Variants in ZZZ3 observed in about 807,000 individuals in gnomAD.
The protein encoded by ZZZ3 is ZZ-type zinc finger-containing protein 3.
ZZZ3 carries 22 observed loss-of-function variants against 95.2 expected under a neutral mutation model. The ratio of observed to expected loss-of-function variants is 0.23; its 90% CI spans 0.17 to 0.33. The LOEUF is 0.33. Ranked by LOEUF, ZZZ3 falls within the 10% of genes least tolerant of loss-of-function variation. The pLI is 1.00. For synonymous variants in ZZZ3, 335 were observed against 358.9 expected, an observed-to-expected ratio of 0.93 and a Z score of 0.75; for missense variants, 885 against 1,066.5, an observed-to-expected ratio of 0.83 and a Z score of 2.37.
rs11432486 is a variant in ZZZ3 at position 77,669,454 on chromosome 1, GT to G, written c.-403+13130del. ...GAATACCATTAAACTTTCTTTCTCA[GT>G]TTTTTTTTTTTTTTTTTTTGAGATG... On this transcript the variant is annotated intron_variant, in intron 1 of 14. Transcript: ENST00000370801. Among the ~76,000 whole-genome samples, 582 of 131,308 alleles carry G rather than the reference GT, an allele frequency of 4.4e-3. 1 individual carries two copies. The highest frequency in any genetic ancestry group is 9.3e-3 in the African/African-American group (324 of 34,854). The allele number at this position is 131,308 out of a possible 152,430, so 86.1% of individuals were successfully genotyped here.
chr1:77,592,396 G>A (rs145368034), intron 5 of ZZZ3, among the ~76,000 whole-genome samples: 8,960 of 152,120 alleles, frequency 0.059, 496 homozygotes, highest in African/African-American at 0.15. Context: ...TCCGCCTCCC[G>A]GGTTCAAGTG....
At chr1:77,570,828 A>ATTTTT (rs1234908458) in intron 12 of ZZZ3, among the ~76,000 whole-genome samples, 9 of 123,754 alleles carry the variant, frequency 7.3e-5, no homozygotes, top group African/African-American at 1.6e-4. Flanking sequence ...AGCCTGGCTA[A>ATTTTT]TTTTTTTTTT....
chr1:77,589,634 T>C (rs1009721414), intron 5 of ZZZ3, among the ~76,000 whole-genome samples: 3 of 151,668 alleles, frequency 2.0e-5, no homozygotes, highest in African/African-American at 7.3e-5. Context: ...TTGGTTTGGT[T>C]TTTTTTGTAG....
At chr1:77,642,481 T>G (rs1668866087) in intron 1 of ZZZ3, among the ~76,000 whole-genome samples, 1 of 152,074 alleles carries the variant, frequency 6.6e-6, no homozygotes, top group African/African-American at 2.4e-5. Context: ...TGGTGGCTCA[T>G]GCCTGTAATC....
At chr1:77,661,544 A>C (rs1024304160) in intron 1 of ZZZ3, among the ~76,000 whole-genome samples, 1 of 152,212 alleles carries the variant, frequency 6.6e-6, no homozygotes, top group African/African-American at 2.4e-5. Flanking sequence ...TCTGACACTT[A>C]GCTGCCCTAA....
intron 4 of ZZZ3, among the ~76,000 whole-genome samples, chr1:77,636,966 G>A (rs1557750505): frequency 6.6e-6 from 1 of 152,138 alleles, no homozygotes; most frequent in Admixed American, 6.6e-5. Flanking sequence ...AAGAGAACTT[G>A]TTTTATAACA....
intron 1 of ZZZ3, among the ~76,000 whole-genome samples, chr1:77,643,226 G>GACAT (rs1432594149): frequency 5.3e-5 from 8 of 151,818 alleles, no homozygotes; most frequent in Non-Finnish European, 1.2e-4. Flanking sequence ...AAATTGTCAT[G>GACAT]ACATCTCTTG....
chr1:77,600,741 G>A (rs745924066), intron 5 of ZZZ3, among the ~76,000 whole-genome samples: 5 of 152,108 alleles, frequency 3.3e-5, no homozygotes, highest in Admixed American at 1.3e-4. Flanking sequence ...CAGCTTTGGC[G>A]TGACTTGGAG....
At chr1:77,575,462 C>T (rs1361755305) in intron 12 of ZZZ3, among the ~76,000 whole-genome samples, 1 of 152,164 alleles carries the variant, frequency 6.6e-6, no homozygotes. Flanking sequence ...CAAACAAATA[C>T]ATCTGAATCT....
At chr1:77,636,018 T>G (rs898305228) in intron 4 of ZZZ3, among the ~76,000 whole-genome samples, 2 of 152,200 alleles carry the variant, frequency 1.3e-5, no homozygotes, top group African/African-American at 4.8e-5. Context: ...TTTTTAAATA[T>G]TAAATATGTA....
At chr1:77,587,258 C>CTTTTT (rs34952237) in intron 5 of ZZZ3, among the ~76,000 whole-genome samples, 1 of 85,264 alleles carries the variant, frequency 1.2e-5, no homozygotes, top group Non-Finnish European at 2.4e-5. Context: ...AACTTTGACC[C>CTTTTT]TTTTTTTTTT....
At chr1:77,655,406 G>T (rs1014345931) in intron 1 of ZZZ3, among the ~76,000 whole-genome samples, 3 of 152,190 alleles carry the variant, frequency 2.0e-5, no homozygotes, top group Non-Finnish European at 4.4e-5. Flanking sequence ...CCTTTACTTT[G>T]ATTGGGTTTA....
At chr1:77,652,978 G>C (rs924246295) in intron 1 of ZZZ3, among the ~76,000 whole-genome samples, 8 of 152,172 alleles carry the variant, frequency 5.3e-5, no homozygotes, top group African/African-American at 1.9e-4. Context: ...TTGAACTGCA[G>C]GAGTTCGAGA....
chr1:77,583,512 T>C (rs886628766), intron 6 of ZZZ3, among the ~76,000 whole-genome samples: 3 of 152,168 alleles, frequency 2.0e-5, no homozygotes, highest in Middle Eastern at 3.2e-3. Flanking sequence ...CTATATCTAT[T>C]ACGATATTCA....
rs151202163 is a variant in ZZZ3, at chr1:77,663,136, C to G, written c.-403+19449G>C. ...AAAATTAATAAAAAAAAAAATTTGA[C>G]TAACTGTTCCAGATTAAAGGAGACT... On this transcript the variant is annotated intron_variant, in intron 1 of 14. Transcript: ENST00000370801. 1.5e-3 allele frequency among the ~76,000 whole-genome samples: 232 copies of G among 151,872 alleles called. 2 individuals are homozygous for G. The highest frequency in any genetic ancestry group is 5.3e-3 in the African/African-American group (221 of 41,448).
At chr1:77,568,581 C>G (rs1377165053) in intron 12 of ZZZ3, 115 bp from the exon 13 acceptor site, 1 of 530,926 alleles carries the variant, frequency 1.9e-6, no homozygotes, top group South Asian at 3.8e-5. Context: ...TAAAATATCT[C>G]TTAGTACTCA....
At chr1:77,618,245 T>TC (rs1398253388) in intron 5 of ZZZ3, among the ~76,000 whole-genome samples, 16 of 138,752 alleles carry the variant, frequency 1.2e-4, no homozygotes, top group Admixed American at 5.2e-4. Context: ...TTTTTTTTTT[T>TC]TTTTTTTTTT....
chr1:77,646,996 G>A (rs753906062), intron 1 of ZZZ3, among the ~76,000 whole-genome samples: 1 of 152,180 alleles, frequency 6.6e-6, no homozygotes, highest in South Asian at 2.1e-4. Context: ...ATCTTGAGCT[G>A]AGTATTGATC....
chr1:77,587,058 A>G (rs1663149326), intron 5 of ZZZ3, among the ~76,000 whole-genome samples: 1 of 152,178 alleles, frequency 6.6e-6, no homozygotes, highest in South Asian at 2.1e-4. Flanking sequence ...ATCAAGATAA[A>G]CCAGGCATGG....
Sources: gnomAD v4.1 joint callset for allele counts (sites outside exome capture counted in the v4.1 genomes callset) on GRCh38, gnomAD v4.1.1 for gene constraint, MANE v1.5 for transcripts, NCBI Gene and HGNC (gene_info 2026-07-23, HGNC 2026-07-21) for gene names.